The following IL1RAPL2 variants were observed in gnomAD, a reference collection of about 807,000 sequenced individuals.
IL1RAPL2 encodes interleukin 1 receptor accessory protein like 2, also known as X-linked interleukin-1 receptor accessory protein-like 2.
Under a neutral mutation model 44.1 loss-of-function variants are expected in IL1RAPL2, and 3 were observed. That is an observed-to-expected ratio of 0.07 (90% CI 0.03 to 0.18). The LOEUF is 0.18. IL1RAPL2 is among the 10% of genes least tolerant of loss of function. The pLI, the probability that IL1RAPL2 is intolerant of heterozygous loss-of-function variation, is 1.00. For synonymous variants in IL1RAPL2, 181 were observed against 178.8 expected, an observed-to-expected ratio of 1.01 and a Z score of -0.10; for missense variants, 391 against 496.4, an observed-to-expected ratio of 0.79 and a Z score of 2.02.
intron 6 of IL1RAPL2, among the ~76,000 whole-genome samples, chrX:105,557,454 G>C (rs927242543): frequency 9.0e-6 from 1 of 111,618 alleles, no homozygotes; most frequent in African/African-American, 3.2e-5. Context: ...AAAAACAAAT[G>C]ATAGTAGTTT....
chrX:104,893,987 T>A (rs1021794178), intron 2 of IL1RAPL2, among the ~76,000 whole-genome samples: 3 of 111,646 alleles, frequency 2.7e-5, no homozygotes, highest in Admixed American at 9.6e-5. Context: ...GTCTAGTGGT[T>A]ATAAAATCTC....
chrX:105,324,309 T>G (rs1945526121), intron 5 of IL1RAPL2, among the ~76,000 whole-genome samples: 1 of 111,437 alleles, frequency 9.0e-6, no homozygotes, highest in African/African-American at 3.3e-5. Context: ...GGTAAATAGA[T>G]GTACTGCACA....
intron 2 of IL1RAPL2, among the ~76,000 whole-genome samples, chrX:105,065,904 C>T (rs954982469): frequency 3.6e-5 from 4 of 111,354 alleles, no homozygotes; most frequent in Non-Finnish European, 7.5e-5. Context: ...TATCTCTCTC[C>T]CTTCCCCTAC....
At chrX:104,844,569 T>C (rs891138219) in intron 2 of IL1RAPL2, among the ~76,000 whole-genome samples, 2 of 107,545 alleles carry the variant, frequency 1.9e-5, no homozygotes, top group African/African-American at 3.4e-5. Flanking sequence ...GCCACACATA[T>C]AAGACACTAA....
chrX:105,255,955 T>A (rs1314972516), intron 4 of IL1RAPL2, among the ~76,000 whole-genome samples: 1 of 112,328 alleles, frequency 8.9e-6, no homozygotes, highest in Non-Finnish European at 1.9e-5. Flanking sequence ...TGAATCACAT[T>A]TATTGATTTG....
chrX:104,571,772 C>T (rs1271817168), intron 1 of IL1RAPL2, among the ~76,000 whole-genome samples: 1 of 111,840 alleles, frequency 8.9e-6, no homozygotes, highest in African/African-American at 3.2e-5. Context: ...GGTGAGTACA[C>T]AGCACGGCCA....
At chrX:105,498,863 TG>T (rs2036373650) in intron 6 of IL1RAPL2, among the ~76,000 whole-genome samples, 1 of 111,696 alleles carries the variant, frequency 9.0e-6, no homozygotes, top group Admixed American at 9.5e-5. Flanking sequence ...TGTGGCCTTT[TG>T]GGAACTGAGC....
intron 2 of IL1RAPL2, among the ~76,000 whole-genome samples, chrX:104,861,389 C>T (rs1307863184): frequency 9.0e-6 from 1 of 111,572 alleles, no homozygotes; most frequent in Non-Finnish European, 1.9e-5. Flanking sequence ...CCTCAAAGAA[C>T]TCCCTTTATA....
At chrX:104,685,376 T>C (rs1464220667) in intron 2 of IL1RAPL2, among the ~76,000 whole-genome samples, 1 of 112,145 alleles carries the variant, frequency 8.9e-6, no homozygotes, top group East Asian at 2.8e-4. Context: ...TCAATATACA[T>C]GCATTATTTC....
At chrX:105,384,292 TAG>T (rs1262834905) in intron 5 of IL1RAPL2, among the ~76,000 whole-genome samples, 2 of 111,600 alleles carry the variant, frequency 1.8e-5, no homozygotes, top group Non-Finnish European at 3.8e-5. Context: ...TGTATTTGGC[TAG>T]AGATAGGGAC....
chrX:104,965,540 A>G (rs2147718396), intron 2 of IL1RAPL2, among the ~76,000 whole-genome samples: 1 of 111,562 alleles, frequency 9.0e-6, no homozygotes, highest in Non-Finnish European at 1.9e-5. Flanking sequence ...TTAAACATAG[A>G]GCCCCCATGA....
intron 6 of IL1RAPL2, among the ~76,000 whole-genome samples, chrX:105,615,955 C>T (rs929316533): frequency 9.0e-6 from 1 of 111,317 alleles, no homozygotes; most frequent in Non-Finnish European, 1.9e-5. Flanking sequence ...ATATATGCAC[C>T]TACTATGTAC....
intron 2 of IL1RAPL2, among the ~76,000 whole-genome samples, chrX:104,789,452 C>A (rs186037663): frequency 1.8e-5 from 2 of 111,429 alleles, no homozygotes; most frequent in African/African-American, 6.5e-5. Flanking sequence ...AAATTGTTAT[C>A]CCCTGTCAAT....
intron 2 of IL1RAPL2, among the ~76,000 whole-genome samples, chrX:104,675,193 G>C (rs1239274572): frequency 1.8e-5 from 2 of 110,247 alleles, no homozygotes; most frequent in Non-Finnish European, 3.8e-5. Context: ...GTGATGTTAG[G>C]GTGTCAATTT....
chrX:105,290,175 T>C (rs766893285), intron 5 of IL1RAPL2, among the ~76,000 whole-genome samples: 2 of 111,501 alleles, frequency 1.8e-5, no homozygotes, highest in African/African-American at 3.3e-5. Flanking sequence ...CTCCTTTACA[T>C]AGAATTTACT....
At chrX:104,620,384 A>G (rs1047881126) in intron 1 of IL1RAPL2, among the ~76,000 whole-genome samples, 2 of 109,100 alleles carry the variant, frequency 1.8e-5, no homozygotes, top group African/African-American at 6.7e-5. Flanking sequence ...TCACGCCTGT[A>G]ATCCCAGCAC....
intron 2 of IL1RAPL2, among the ~76,000 whole-genome samples, chrX:104,936,181 C>T (rs900180246): frequency 1.8e-5 from 2 of 111,764 alleles, no homozygotes; most frequent in African/African-American, 6.5e-5. Context: ...AATTTATTTC[C>T]CTTCTCCTGT....
chrX:104,883,344 AC>A (rs1923126220), intron 2 of IL1RAPL2, among the ~76,000 whole-genome samples: 1 of 110,261 alleles, frequency 9.1e-6, no homozygotes, highest in African/African-American at 3.3e-5. Context: ...CTCTCTAACA[AC>A]CCCCGACTCT....
At chrX:104,921,050 C>T (rs1413578822) in intron 2 of IL1RAPL2, among the ~76,000 whole-genome samples, 2 of 111,270 alleles carry the variant, frequency 1.8e-5, no homozygotes, top group South Asian at 7.7e-4. Flanking sequence ...GAAGAAACCC[C>T]GGGACACCAT....
Sources: allele counts gnomAD v4.1 joint callset (sites outside exome capture counted in the v4.1 genomes callset), GRCh38; gene constraint gnomAD v4.1.1; transcripts MANE v1.5; gene names NCBI Gene and HGNC (gene_info 2026-07-23, HGNC 2026-07-21).